IRAG2: variants seen among roughly 807,000 people sequenced by gnomAD.
IRAG2 encodes the protein inositol 1,4,5-triphosphate receptor associated 2.
Under a neutral mutation model 69.9 loss-of-function variants are expected in IRAG2, and 45 were observed. The observed-to-expected ratio is 0.64, with a 90% CI of 0.51 to 0.83. The LOEUF is 0.83. IRAG2 is among the 40% of genes least tolerant of loss of function. IRAG2 has a pLI of 0.00. For missense variants in IRAG2, 520 were observed against 587.0 expected (o/e 0.89, Z 1.18); for synonymous variants, 193 against 202.4 (o/e 0.95, Z 0.40).
chr12:25,010,490 AG>A, intron 2 of IRAG2, among the ~76,000 whole-genome samples: 1 of 140,766 alleles, frequency 7.1e-6, no homozygotes, highest in African/African-American at 2.5e-5. Context: ...AAAAAAAAAC[AG>A]TTCTCTCTCT....
chr12:25,050,534 A>C (rs866326203), upstream of IRAG2, among the ~76,000 whole-genome samples: 7,053 of 37,960 alleles, frequency 0.19, 645 homozygotes, highest in African/African-American at 0.28. Context: ...TCTCAAAAAA[A>C]ACAAACAAAC....
intron 7 of IRAG2, among the ~76,000 whole-genome samples, chr12:25,023,126 CAAAAAAAAAAAAAAA>C (rs139607228): frequency 1.8e-5 from 2 of 112,560 alleles, no homozygotes; most frequent in African/African-American, 6.6e-5. Flanking sequence ...GACTTCGTCT[CAAAAAAAAAAAAAAA>C]AAAAGAAAAA....
intron 16 of IRAG2, among the ~76,000 whole-genome samples, chr12:25,041,946 T>G (rs1944753774): frequency 6.9e-6 from 1 of 144,876 alleles, no homozygotes; most frequent in African/African-American, 2.5e-5. Flanking sequence ...AATTGAATTT[T>G]TGTTTCAGCT....
chr12:25,075,360 T>C (rs1386579516), intron 6 of IRAG2, among the ~76,000 whole-genome samples: 1 of 152,194 alleles, frequency 6.6e-6, no homozygotes, highest in African/African-American at 2.4e-5. Flanking sequence ...TATTTATTAG[T>C]AGAAGGTTTC....
At chr12:25,048,853 A>G (rs1013663970), upstream of IRAG2, among the ~76,000 whole-genome samples, 2 of 152,058 alleles carry the variant, frequency 1.3e-5, no homozygotes, top group African/African-American at 4.8e-5. Flanking sequence ...TATGTCCTCA[A>G]TTTTACTGCC....
intron 2 of IRAG2, among the ~76,000 whole-genome samples, chr12:25,007,970 G>A (rs1944445777): frequency 6.6e-6 from 1 of 151,874 alleles, no homozygotes; most frequent in Admixed American, 6.6e-5. Context: ...ATTTTATGGG[G>A]GCAAGAATTC....
intron 3 of IRAG2, chr12:25,015,088 G>GAAAAAAAAATAAAAAA (rs1944511226): frequency 2.0e-5 from 1 of 50,218 alleles, no homozygotes; most frequent in Non-Finnish European, 3.3e-5. Context: ...GCATAAATCT[G>GAAAAAAAAATAAAAAA]AAAAAAAAAA....
At chr12:24,999,373 C>A (rs189546264), upstream of IRAG2, among the ~76,000 whole-genome samples, 1 of 152,198 alleles carries the variant, frequency 6.6e-6, no homozygotes, top group South Asian at 2.1e-4. Flanking sequence ...AGTTTTGGAT[C>A]GGGCAGATGG....
upstream of IRAG2, among the ~76,000 whole-genome samples, chr12:25,050,008 A>AAT (rs1296096423): frequency 1.3e-4 from 18 of 141,552 alleles, no homozygotes; most frequent in East Asian, 4.6e-4. Context: ...AAAAAAAAAA[A>AAT]GCTACTCGGG....
intron 15 of IRAG2, among the ~76,000 whole-genome samples, chr12:25,099,653 C>T (rs1400447642): frequency 1.3e-5 from 2 of 152,154 alleles, no homozygotes; most frequent in African/African-American, 2.4e-5. Flanking sequence ...TTTGGTTCAG[C>T]GTCCTAAAGC....
rs1180011310 is a variant in IRAG2, at chr12:25,079,758, C to T, written c.239C>T (p.Ala80Val). The T allele has an allele frequency of 6.2e-7, 1 of 1,608,796 alleles. No individual in the cohort carries two copies. Among genetic ancestry groups the T allele is most frequent in the Admixed American group, 1.7e-5 (1 of 59,996 alleles). Reference protein sequence around the residue: ...DTRSASPTIEAQGTSPAHDNI... With the variant: ...DTRSASPTIEVQGTSPAHDNI... ...AGATCAGCTTCTCCCACGATAGAGG[C>T]CCAAGGTAAAATGTTGACAGGTGTA... The change falls in exon 9 of 22, where the codon GCC becomes GTC. Residue 80 changes from alanine to valine, a missense_variant. Ala to Val is a moderately conservative substitution (Grantham distance 64, BLOSUM62 0). Transcript: ENST00000556887.
intron 10 of IRAG2, 151 bp from the exon 11 acceptor site, chr12:25,087,949 A>G (rs1947752891): frequency 6.5e-6 from 4 of 618,054 alleles, no homozygotes; most frequent in South Asian, 4.1e-5. Context: ...ACTGTCTTCC[A>G]GGAAACTGGT....
At chr12:25,105,416 A>G (rs1192587445) in intron 20 of IRAG2, among the ~76,000 whole-genome samples, 1 of 152,006 alleles carries the variant, frequency 6.6e-6, no homozygotes, top group Non-Finnish European at 1.5e-5. Context: ...TCTTAAGGAG[A>G]TGATTTTATG....
chr12:25,104,826 T>C (rs1948943825), intron 20 of IRAG2, among the ~76,000 whole-genome samples: 1 of 152,142 alleles, frequency 6.6e-6, no homozygotes, highest in Non-Finnish European at 1.5e-5. Flanking sequence ...ATGAGATATA[T>C]AACGTACGTA....
intron 6 of IRAG2, among the ~76,000 whole-genome samples, chr12:25,018,506 T>A (rs1470485652): frequency 6.6e-6 from 1 of 151,896 alleles, no homozygotes; most frequent in Non-Finnish European, 1.5e-5. Flanking sequence ...CTGTGCCCAG[T>A]CATATGTTTC....
chr12:25,017,941 ATATG>A (rs1003163693), intron 6 of IRAG2, among the ~76,000 whole-genome samples: 1 of 152,142 alleles, frequency 6.6e-6, no homozygotes, highest in Admixed American at 6.5e-5. Context: ...GAATCATACA[ATATG>A]TGAACTTTGG....
At chr12:25,105,328 G>A (rs991637977) in intron 20 of IRAG2, among the ~76,000 whole-genome samples, 12 of 152,016 alleles carry the variant, frequency 7.9e-5, no homozygotes, top group African/African-American at 2.2e-4. Context: ...CGCCCGCCTC[G>A]GCCTCCCAAA....
At chr12:25,043,594 C>T (rs1332692179) in intron 16 of IRAG2, among the ~76,000 whole-genome samples, 1 of 152,048 alleles carries the variant, frequency 6.6e-6, no homozygotes, top group Non-Finnish European at 1.5e-5. Flanking sequence ...AAAGAATTGG[C>T]TTCTGTCTTA....
Position 25,107,952 on chromosome 12 carries a change from G to T in IRAG2, c.1392G>T (p.Gln464His). The change falls in exon 22 of 22, where the codon CAG becomes CAT. Residue 464 changes from glutamine to histidine, a missense_variant. Gln to His is a conservative substitution (Grantham distance 24). Coordinates refer to ENST00000556887, the MANE Select transcript of IRAG2 (RefSeq NM_001366544.2). Reference sequence around the variant, plus strand: ...GCTTCCTCACAGGCCAATTATTCCAGAAGTCTGTGGATGCCGCTCCCACAC... The same window carrying T: ...GCTTCCTCACAGGCCAATTATTCCATAAGTCTGTGGATGCCGCTCCCACAC... ...LMSFLTGQLFQKSVDAAPTQQ... is the reference protein window; with the variant it reads ...LMSFLTGQLFHKSVDAAPTQQ... 1 of 1,614,166 alleles carries T rather than the reference G, an allele frequency of 6.2e-7. No homozygotes were observed. The highest frequency in any genetic ancestry group is 8.5e-7 in the Non-Finnish European group (1 of 1,180,034).
Sources: gnomAD v4.1 joint callset for allele counts (sites outside exome capture counted in the v4.1 genomes callset) on GRCh38, gnomAD v4.1.1 for gene constraint, MANE v1.5 for transcripts, NCBI Gene and HGNC (gene_info 2026-07-23, HGNC 2026-07-21) for gene names.